The following PLA2G2C variants were observed in gnomAD, a reference collection of about 807,000 sequenced individuals.
PLA2G2C encodes putative inactive group IIC secretory phospholipase A2.
A neutral mutation model predicts 14.3 loss-of-function variants in PLA2G2C; 15 were observed. That is an observed-to-expected ratio of 1.05 (90% CI 0.70 to 1.62). The LOEUF is 1.62. PLA2G2C is among the 40% of genes most tolerant of loss of function. The pLI is 0.00. For missense variants in PLA2G2C, 162 were observed against 173.2 expected (o/e 0.94, Z 0.36); for synonymous variants, 79 against 67.7 (o/e 1.17, Z -0.82).
Position 20,163,398 on chromosome 1 carries a change from C to G in PLA2G2C, c.*593G>C, listed in dbSNP as rs1339484505. 6.6e-6 allele frequency: 1 copy of G among 152,372 alleles called. No homozygotes were observed. Among genetic ancestry groups the G allele is most frequent in the Non-Finnish European group, 1.5e-5 (1 of 68,174 alleles). The allele number at this position is 152,372 out of a possible 1,614,324, so 9.4% of individuals were successfully genotyped here. ...TATTGACCAAACTAAGCCACAAGACCAGTTCAGATTCATGGGATGGGGAAA... is the reference window on the plus strand; with the variant it reads ...TATTGACCAAACTAAGCCACAAGACGAGTTCAGATTCATGGGATGGGGAAA... On this transcript the variant is annotated 3_prime_UTR_variant, in exon 5 of 5. Coordinates refer to ENST00000679259, the MANE Select transcript of PLA2G2C (RefSeq NM_001367969.2).
intron 3 of PLA2G2C, among the ~76,000 whole-genome samples, chr1:20,173,174 G>A (rs1423778197): frequency 6.7e-6 from 1 of 149,616 alleles, no homozygotes; most frequent in East Asian, 2.0e-4. Flanking sequence ...AAAAAAGCCA[G>A]GCATGGTGGC....
At chr1:20,172,644 CT>C (rs2018106908) in intron 4 of PLA2G2C, 149 bp downstream of exon 4, 1 of 691,366 alleles carries the variant, frequency 1.4e-6, no homozygotes, top group East Asian at 2.8e-5. Context: ...CTCTGAGAAG[CT>C]CTGGAGCATC....
chr1:20,172,443 GT>G (rs1225870967), intron 4 of PLA2G2C, among the ~76,000 whole-genome samples: 3 of 152,188 alleles, frequency 2.0e-5, no homozygotes, highest in Non-Finnish European at 4.4e-5. Context: ...CAGCTGAGCC[GT>G]TTTGTTAACA....
intron 1 of PLA2G2C, among the ~76,000 whole-genome samples, chr1:20,185,802 C>G (rs1230030987): frequency 6.6e-6 from 1 of 152,210 alleles, no homozygotes; most frequent in Non-Finnish European, 1.5e-5. Flanking sequence ...TGCTGCTCCC[C>G]GCTCCTCCAT....
intron 2 of PLA2G2C, 91 bp from the exon 3 acceptor site, chr1:20,175,236 C>G: frequency 6.3e-7 from 1 of 1,577,614 alleles, no homozygotes; most frequent in South Asian, 1.2e-5. Flanking sequence ...GAGTGCTGAG[C>G]ATTCGAAATA....
At chr1:20,174,581 G>C (rs1488414840) in intron 3 of PLA2G2C, among the ~76,000 whole-genome samples, 2 of 152,220 alleles carry the variant, frequency 1.3e-5, no homozygotes, top group African/African-American at 4.8e-5. Context: ...TTTACTATGA[G>C]GATGAAACAG....
At chr1:20,180,472 G>C (rs1011417268) in intron 1 of PLA2G2C, among the ~76,000 whole-genome samples, 1 of 152,208 alleles carries the variant, frequency 6.6e-6, no homozygotes, top group African/African-American at 2.4e-5. Flanking sequence ...ATTTGACAGA[G>C]GAGGAGACCA....
intron 3 of PLA2G2C, among the ~76,000 whole-genome samples, chr1:20,173,742 G>A (rs1263019928): frequency 6.6e-6 from 1 of 152,212 alleles, no homozygotes; most frequent in Non-Finnish European, 1.5e-5. Context: ...GGACAGGAAG[G>A]CAGAAACTTA....
chr1:20,166,066 A>C (rs562771614), intron 4 of PLA2G2C, among the ~76,000 whole-genome samples: 79 of 152,312 alleles, frequency 5.2e-4, no homozygotes, highest in African/African-American at 1.7e-3. Context: ...GTGTCTACCG[A>C]CAAGTGGTCC....
At chr1:20,182,355 ATACT>A (rs1234722730) in intron 1 of PLA2G2C, among the ~76,000 whole-genome samples, 1 of 152,184 alleles carries the variant, frequency 6.6e-6, no homozygotes, top group African/African-American at 2.4e-5. Context: ...GGATACACAA[ATACT>A]TACTATTGTG....
At chr1:20,168,385 G>A (rs1373400879) in intron 4 of PLA2G2C, among the ~76,000 whole-genome samples, 1 of 152,188 alleles carries the variant, frequency 6.6e-6, no homozygotes, top group Non-Finnish European at 1.5e-5. Flanking sequence ...CTTAGTCCAG[G>A]GGCATCATTC....
chr1:20,171,442 C>A (rs1056268111), intron 4 of PLA2G2C, among the ~76,000 whole-genome samples: 1 of 152,168 alleles, frequency 6.6e-6, no homozygotes, highest in East Asian at 1.9e-4. Flanking sequence ...GAGCCCCCAA[C>A]CCACACAGCT....
rs1048127743 is a variant in PLA2G2C, at chr1:20,163,866, C to T, written c.*125G>A. On this transcript the variant is annotated 3_prime_UTR_variant, in exon 5 of 5. Transcript: ENST00000679259. Reference sequence around the variant, plus strand: ...GAATGCTGAAGGGTGAGCTGCCCTGCGGGAGACATTTTGTCCTCCCTCCCA... The same window carrying T: ...GAATGCTGAAGGGTGAGCTGCCCTGTGGGAGACATTTTGTCCTCCCTCCCA... The T allele has an allele frequency of 4.1e-5, 45 of 1,095,114 alleles. No individual in the cohort carries two copies. The highest frequency in any genetic ancestry group is 2.1e-4 in the Middle Eastern group (1 of 4,674). 67.8% of individuals were successfully genotyped at this position (1,095,114 alleles called of 1,614,324 possible).
intron 4 of PLA2G2C, 114 bp from the exon 5 acceptor site, chr1:20,164,271 G>A (rs567895982): frequency 2.0e-6 from 2 of 1,001,696 alleles, no homozygotes; most frequent in East Asian, 2.6e-5. Context: ...GGACAGAAAG[G>A]AAAGCCACTG....
At chr1:20,181,236 A>T (rs568685857) in intron 1 of PLA2G2C, among the ~76,000 whole-genome samples, 46 of 152,294 alleles carry the variant, frequency 3.0e-4, no homozygotes, top group African/African-American at 1.1e-3. Context: ...TGAGGCATGA[A>T]TGAATGAGTG....
chr1:20,170,332 C>T (rs1446853040), intron 4 of PLA2G2C, among the ~76,000 whole-genome samples: 2 of 152,234 alleles, frequency 1.3e-5, no homozygotes. Context: ...CAAACTCATC[C>T]CCTCTGTGGG....
intron 4 of PLA2G2C, among the ~76,000 whole-genome samples, chr1:20,167,746 A>G (rs571630260): frequency 3.3e-4 from 50 of 151,980 alleles, no homozygotes; most frequent in Non-Finnish European, 5.3e-4. Context: ...ATCCTGTCCA[A>G]CCTCATCTCC....
chr1:20,178,446 T>A (rs2018224345), intron 1 of PLA2G2C, among the ~76,000 whole-genome samples: 1 of 152,222 alleles, frequency 6.6e-6, no homozygotes, highest in Non-Finnish European at 1.5e-5. Flanking sequence ...CTGCTGCAGA[T>A]CCCTGGGAGA....
intron 4 of PLA2G2C, among the ~76,000 whole-genome samples, chr1:20,169,833 A>C (rs2018040208): frequency 6.6e-6 from 1 of 152,244 alleles, no homozygotes; most frequent in Non-Finnish European, 1.5e-5. Flanking sequence ...GCTTCTCAGC[A>C]GGAACACAAA....
Sources: gnomAD v4.1 joint callset for allele counts (sites outside exome capture counted in the v4.1 genomes callset) on GRCh38, gnomAD v4.1.1 for gene constraint, MANE v1.5 for transcripts, NCBI Gene and HGNC (gene_info 2026-07-23, HGNC 2026-07-21) for gene names.